Variants in ATF7 observed in about 807,000 individuals in gnomAD.
The protein encoded by ATF7 is cyclic AMP-dependent transcription factor ATF-7.
ATF7 carries 10 observed loss-of-function variants against 50.4 expected under a neutral mutation model. That is an observed-to-expected ratio of 0.20 (90% CI 0.12 to 0.34). ATF7 has a LOEUF of 0.34. Ranked by LOEUF, ATF7 falls within the 10% of genes least tolerant of loss-of-function variation. The pLI is 1.00. For synonymous variants in ATF7, 201 were observed against 226.4 expected, an observed-to-expected ratio of 0.89 and a Z score of 1.01; for missense variants, 465 against 613.9, an observed-to-expected ratio of 0.76 and a Z score of 2.56.
chr12:53,618,815 G>A (rs1944255024), intron 1 of ATF7, among the ~76,000 whole-genome samples: 1 of 152,086 alleles, frequency 6.6e-6, no homozygotes, highest in African/African-American at 2.4e-5. Flanking sequence ...ACTTTGGGAC[G>A]CTGAGGTAGG....
At chr12:53,611,277 T>A (rs1366288168) in intron 1 of ATF7, among the ~76,000 whole-genome samples, 1 of 152,120 alleles carries the variant, frequency 6.6e-6, no homozygotes, top group Admixed American at 6.6e-5. Flanking sequence ...GAGACACTCC[T>A]GGCCAAAATG....
chr12:53,566,405 A>G (rs7310771), intron 2 of ATF7, among the ~76,000 whole-genome samples: 27,514 of 152,132 alleles, frequency 0.18, 3,067 homozygotes, highest in East Asian at 0.55. Context: ...CTGAAAAGCA[A>G]GATATTCCTT....
In ATF7 at chr12:53,587,353, C is replaced by T. The variant is rs117184379; in HGVS notation, c.48+13600G>A. On this transcript the variant is annotated intron_variant, in intron 2 of 11. Transcript: ENST00000420353. ...CTATAGTCCAGCCTGGGTGACAGAG[C>T]GAAATTCCGCATCAAAAAAAAAAAA... Among the ~76,000 whole-genome samples the T allele has an allele frequency of 9.7e-3, 653 of 67,160 alleles. 19 individuals carry two copies. The East Asian group carries it at 0.35, about 36-fold the overall frequency. 44.1% of individuals were successfully genotyped at this position (67,160 alleles called of 152,430 possible).
intron 6 of ATF7, 63 bp downstream of exon 6, chr12:53,534,439 A>G (rs370827864): frequency 1.3e-6 from 2 of 1,599,084 alleles, no homozygotes; most frequent in East Asian, 4.5e-5. Flanking sequence ...AGTTTTATCA[A>G]ATAGTTTCAT....
At position 53,514,550 on chromosome 12, in the gene ATF7, C is replaced by T. The variant is rs1376306059; in HGVS notation, c.*2587G>A. 1 of 152,162 alleles carries T rather than the reference C, an allele frequency of 6.6e-6. No individual in the cohort carries two copies. Among genetic ancestry groups the T allele is most frequent in the African/African-American group, 2.4e-5 (1 of 41,436 alleles). The allele number at this position is 152,162 out of a possible 1,614,324, so 9.4% of individuals were successfully genotyped here. A position where few individuals can be genotyped will look rare whatever the true frequency, so the allele number is the denominator to read the frequency against. ...CAATTATTCTGCCTCCTTAGTGAGACTGAGAACCAACTCAAGAACTATCTA... is the reference window on the plus strand; with the variant it reads ...CAATTATTCTGCCTCCTTAGTGAGATTGAGAACCAACTCAAGAACTATCTA... On this transcript the variant is annotated 3_prime_UTR_variant, in exon 12 of 12. Transcript: ENST00000420353.
chr12:53,542,701 A>T (rs1251359665), intron 4 of ATF7, among the ~76,000 whole-genome samples: 1 of 152,194 alleles, frequency 6.6e-6, no homozygotes, highest in African/African-American at 2.4e-5. Context: ...GATTACAAGC[A>T]TGAGCCAATG....
At chr12:53,523,846 T>C (rs1050917357) in intron 10 of ATF7, among the ~76,000 whole-genome samples, 3 of 152,134 alleles carry the variant, frequency 2.0e-5, no homozygotes, top group South Asian at 2.1e-4. Flanking sequence ...GAGGTAGATC[T>C]CCCATATCCA....
chr12:53,556,680 A>T (rs1208645508), intron 2 of ATF7, among the ~76,000 whole-genome samples: 1 of 152,210 alleles, frequency 6.6e-6, no homozygotes, highest in Admixed American at 6.5e-5. Context: ...ACTTATTAAG[A>T]GTTAACACTT....
In ATF7 at chr12:53,612,636, C is replaced by T. The variant is rs149778978; in HGVS notation, c.-21-11615G>A. On this transcript the variant is annotated intron_variant, in intron 1 of 11. Coordinates refer to ENST00000420353, the MANE Select transcript of ATF7 (RefSeq NM_006856.3). ...TCAAAGTGGGCTCCAGGGATCCCTA[C>T]AGATCTTTCAGGGGGTTCATGAAGG... Among the ~76,000 whole-genome samples the T allele has an allele frequency of 7.2e-4, 109 of 152,278 alleles. No individual in the cohort carries two copies. In the East Asian group the frequency reaches 0.012, roughly 16 times the overall value.
intron 2 of ATF7, among the ~76,000 whole-genome samples, chr12:53,577,446 G>GTGGC (rs1390423045): frequency 7.9e-5 from 12 of 152,078 alleles, no homozygotes; most frequent in African/African-American, 2.9e-4. Context: ...GCCGGGCGCG[G>GTGGC]TGGCTCATTC....
At chr12:53,536,537 A>G (rs1243604977) in intron 5 of ATF7, among the ~76,000 whole-genome samples, 2 of 150,230 alleles carry the variant, frequency 1.3e-5, no homozygotes, top group African/African-American at 4.9e-5. Context: ...TCGGCCTCCC[A>G]AAGTGCTGGG....
At chr12:53,545,999 C>T (rs1262712264) in intron 3 of ATF7, among the ~76,000 whole-genome samples, 1 of 152,096 alleles carries the variant, frequency 6.6e-6, no homozygotes, top group Non-Finnish European at 1.5e-5. Context: ...TTGAGACCAG[C>T]CTGACCAACA....
chr12:53,565,216 T>C (rs568549255), intron 2 of ATF7, among the ~76,000 whole-genome samples: 1 of 152,024 alleles, frequency 6.6e-6, no homozygotes, highest in Non-Finnish European at 1.5e-5. Flanking sequence ...CCAAAGGTCA[T>C]TTAGGCCAAC....
intron 1 of ATF7, among the ~76,000 whole-genome samples, chr12:53,605,996 A>G (rs1943586140): frequency 6.6e-6 from 1 of 152,206 alleles, no homozygotes; most frequent in South Asian, 2.1e-4. Context: ...CATATTTTAA[A>G]TCCATATTTA....
downstream of ATF7, among the ~76,000 whole-genome samples, chr12:53,508,875 C>T (rs1439756976): frequency 1.3e-5 from 2 of 152,200 alleles, no homozygotes; most frequent in Non-Finnish European, 2.9e-5. Context: ...CAGGAGCAGG[C>T]TACTGTGGGG....
At chr12:53,568,415 T>C (rs1422194149) in intron 2 of ATF7, among the ~76,000 whole-genome samples, 1 of 151,248 alleles carries the variant, frequency 6.6e-6, no homozygotes, top group East Asian at 1.9e-4. Context: ...CTCTCTCTCT[T>C]TCTCTCTCTC....
chr12:53,567,021 G>A (rs1271919771), intron 2 of ATF7, among the ~76,000 whole-genome samples: 1 of 152,158 alleles, frequency 6.6e-6, no homozygotes, highest in Non-Finnish European at 1.5e-5. Context: ...CTAAGTGCTG[G>A]GATTACAGGC....
chr12:53,546,066 C>T (rs1939885528), intron 3 of ATF7, among the ~76,000 whole-genome samples: 1 of 152,200 alleles, frequency 6.6e-6, no homozygotes, highest in East Asian at 1.9e-4. Context: ...GTGGCGCATG[C>T]CTGTAATCTC....
At chr12:53,592,894 T>C (rs1464150933) in intron 2 of ATF7, among the ~76,000 whole-genome samples, 1 of 152,178 alleles carries the variant, frequency 6.6e-6, no homozygotes, top group Non-Finnish European at 1.5e-5. Flanking sequence ...AAAATAAAGA[T>C]ATTTTGCTTT....
Sources: allele counts gnomAD v4.1 joint callset (sites outside exome capture counted in the v4.1 genomes callset), GRCh38; gene constraint gnomAD v4.1.1; transcripts MANE v1.5; gene names NCBI Gene and HGNC (gene_info 2026-07-23, HGNC 2026-07-21).